CLEC4D: variants seen among roughly 807,000 people sequenced by gnomAD.
CLEC4D encodes the protein C-type lectin domain family 4 member D.
A neutral mutation model predicts 21.1 loss-of-function variants in CLEC4D; 21 were observed. The ratio of observed to expected loss-of-function variants is 1.00; its 90% confidence interval spans 0.71 to 1.43. The LOEUF is 1.43. Ranked by LOEUF, CLEC4D falls within the 40% of genes most tolerant of loss-of-function variation. The pLI is 0.00. For synonymous variants in CLEC4D, 85 were observed against 83.1 expected (o/e 1.02, Z -0.12); for missense variants, 289 against 260.7 (o/e 1.11, Z -0.75).
chr12:8,526,768 CTT>C (rs374780793), downstream of CLEC4D, among the ~76,000 whole-genome samples: 162 of 152,262 alleles, frequency 1.1e-3, 1 homozygote, highest in Non-Finnish European at 2.0e-3. Flanking sequence ...AAGAGGCACT[CTT>C]GTCTTTTGGG....
rs148532747 is a variant in CLEC4D, at chr12:8,521,471, T to C, written c.*200T>C. On this transcript the variant is annotated 3_prime_UTR_variant, in exon 6 of 6. Transcript: ENST00000299665. The stretch of plus-strand genomic sequence containing the variant: ...GTGTGTGTGTGTGTAGATAATGTGG[T>C]TTTTGTATGGTGTTTGATGGAAGGA... 61 of 1,142,868 alleles carry C rather than the reference T, an allele frequency of 5.3e-5. No homozygotes were observed. In the Admixed American group the frequency reaches 9.1e-4, roughly 17 times the overall value. 70.8% of individuals were successfully genotyped at this position (1,142,868 alleles called of 1,614,324 possible).
chr12:8,529,947 C>T, the CLEC4D span, among the ~76,000 whole-genome samples: 1 of 152,120 alleles, frequency 6.6e-6, no homozygotes, highest in Non-Finnish European at 1.5e-5. Flanking sequence ...CGGTTGAATA[C>T]GATTGCCACT....
At chr12:8,519,876 T>C (rs1940435659) in intron 4 of CLEC4D, among the ~76,000 whole-genome samples, 1 of 152,178 alleles carries the variant, frequency 6.6e-6, no homozygotes, top group Non-Finnish European at 1.5e-5. Context: ...CTGAATAAAA[T>C]GGAATTTAAT....
chr12:8,527,106 C>G (rs978003032), downstream of CLEC4D, among the ~76,000 whole-genome samples: 3 of 152,136 alleles, frequency 2.0e-5, no homozygotes, highest in Non-Finnish European at 4.4e-5. Context: ...GAGCACCAAC[C>G]TGATGCTAGT....
intron 1 of CLEC4D, 149 bp downstream of exon 1, chr12:8,513,909 G>C: frequency 3.6e-6 from 2 of 551,100 alleles, no homozygotes; most frequent in Non-Finnish European, 6.5e-6. Context: ...TGAAGAGGAA[G>C]GACATAGAGT....
At chr12:8,526,479 G>A (rs1395841152), downstream of CLEC4D, among the ~76,000 whole-genome samples, 2 of 152,000 alleles carry the variant, frequency 1.3e-5, no homozygotes, top group African/African-American at 4.8e-5. Context: ...TGGTCAATTT[G>A]GCTGTTGATA....
chr12:8,528,799 A>G, the CLEC4D span, among the ~76,000 whole-genome samples: 1 of 151,974 alleles, frequency 6.6e-6, no homozygotes, highest in African/African-American at 2.4e-5. Flanking sequence ...TCAGTTTCTT[A>G]TTTACATTTC....
intron 2 of CLEC4D, among the ~76,000 whole-genome samples, chr12:8,517,333 T>C (rs1940393428): frequency 1.3e-5 from 2 of 152,068 alleles, no homozygotes; most frequent in African/African-American, 2.4e-5. Context: ...AGTTTTAGGG[T>C]ACATGTGCAC....
At position 8,521,388 on chromosome 12, in the gene CLEC4D, G is replaced by C. The variant is rs7307664; in HGVS notation, c.*117G>C. 54,960 of 1,458,890 alleles carry C rather than the reference G, an allele frequency of 0.038. 1,948 individuals carry two copies. The highest frequency in any genetic ancestry group is 0.18 in the African/African-American group (13,063 of 71,034). The allele number at this position is 1,458,890 out of a possible 1,614,324, so 90.4% of individuals were successfully genotyped here. The stretch of plus-strand genomic sequence containing the variant: ...CATGCTGGTTCATACAGCGTTTTTA[G>C]TCATAATGGTCTTTTTTATTTTGTT... On this transcript the variant is annotated 3_prime_UTR_variant, in exon 6 of 6. Transcript: ENST00000299665.
chr12:8,515,915 A>T (rs1940374282), intron 2 of CLEC4D, among the ~76,000 whole-genome samples: 1 of 152,164 alleles, frequency 6.6e-6, no homozygotes, highest in Non-Finnish European at 1.5e-5. Flanking sequence ...ATATAGGTGC[A>T]AGACAAATAG....
chr12:8,520,474 A>G lies in CLEC4D; in HGVS notation c.500+133A>G. On this transcript the variant is annotated intron_variant, in intron 5 of 5. Transcript: ENST00000299665. The stretch of plus-strand genomic sequence containing the variant: ...GACCACTGTAGGTTGAGTAATCTCC[A>G]TATGCTATGTCCCAGTTCCAGAATG... 4.4e-6 allele frequency: 6 copies of G among 1,367,818 alleles called. 1 individual carries two copies. The South Asian group carries it at 1.2e-4, about 26-fold the overall frequency. 84.7% of individuals were successfully genotyped at this position (1,367,818 alleles called of 1,614,324 possible).
intron 3 of CLEC4D, 94 bp from the exon 4 acceptor site, chr12:8,518,915 A>G: frequency 6.9e-7 from 1 of 1,457,238 alleles, no homozygotes; most frequent in South Asian, 1.5e-5. Context: ...ATTCTCACAA[A>G]TATTAATTGG....
intron 5 of CLEC4D, among the ~76,000 whole-genome samples, chr12:8,520,855 A>G (rs1434101277): frequency 6.6e-6 from 1 of 152,198 alleles, no homozygotes; most frequent in Non-Finnish European, 1.5e-5. Flanking sequence ...TTATAAAATT[A>G]TTACTGAGGT....
downstream of CLEC4D, among the ~76,000 whole-genome samples, chr12:8,526,303 CCTGT>C (rs1290564497): frequency 1.3e-5 from 2 of 152,150 alleles, no homozygotes; most frequent in Non-Finnish European, 1.5e-5. Flanking sequence ...TTCCATTCTT[CCTGT>C]CTATTTCTGG....
downstream of CLEC4D, among the ~76,000 whole-genome samples, chr12:8,527,043 G>C (rs1940512366): frequency 6.6e-6 from 1 of 152,168 alleles, no homozygotes; most frequent in South Asian, 2.1e-4. Flanking sequence ...AAGGAGGCTG[G>C]AGAGCAGCAA....
In CLEC4D at chr12:8,517,133, C is replaced by A. The variant is rs904426390; in HGVS notation, c.122-1031C>A. Reference sequence around the variant, plus strand: ...GTTACCTGTAAAGGAGAGTGGTTACCTATAAAGGCGAGGGAGTGAGCTGCC... The same window carrying A: ...GTTACCTGTAAAGGAGAGTGGTTACATATAAAGGCGAGGGAGTGAGCTGCC... On this transcript the variant is annotated intron_variant, in intron 2 of 5. Transcript: ENST00000299665. Among the ~76,000 whole-genome samples, 67 of 152,214 alleles carry A rather than the reference C, an allele frequency of 4.4e-4. 1 individual carries two copies. Among genetic ancestry groups the A allele is most frequent in the African/African-American group, 1.5e-3 (61 of 41,522 alleles).
the CLEC4D span, among the ~76,000 whole-genome samples, chr12:8,528,924 A>T: frequency 2.6e-5 from 4 of 151,948 alleles, no homozygotes; most frequent in South Asian, 8.3e-4. Flanking sequence ...TATACTAAAC[A>T]TATATAGATA....
At chr12:8,523,186 C>T (rs1278007358), downstream of CLEC4D, among the ~76,000 whole-genome samples, 1 of 152,012 alleles carries the variant, frequency 6.6e-6, no homozygotes, top group Non-Finnish European at 1.5e-5. Flanking sequence ...ACAAGCTCTT[C>T]TTTGACTCTA....
intron 3 of CLEC4D, 74 bp downstream of exon 3, chr12:8,518,348 A>G (rs1940412223): frequency 2.8e-6 from 2 of 723,198 alleles, no homozygotes; most frequent in South Asian, 3.2e-5. Context: ...AAGGAATGTC[A>G]GTAGTGAACC....
Sources: gnomAD v4.1 joint callset for allele counts (sites outside exome capture counted in the v4.1 genomes callset) on GRCh38, gnomAD v4.1.1 for gene constraint, MANE v1.5 for transcripts, NCBI Gene and HGNC (gene_info 2026-07-23, HGNC 2026-07-21) for gene names.